The following NRG3 variants were observed in gnomAD, a reference collection of about 807,000 sequenced individuals.
The protein encoded by NRG3 is pro-neuregulin-3, membrane-bound isoform.
NRG3 carries 31 observed loss-of-function variants against 66.9 expected under a neutral mutation model. The observed-to-expected ratio is 0.46, with a 90% CI of 0.35 to 0.63. The LOEUF (loss-of-function observed/expected upper bound fraction) is 0.63, where lower values mean the gene tolerates loss of function less well. NRG3 is among the 20% of genes least tolerant of loss of function. NRG3 has a pLI of 0.00. For synonymous variants in NRG3, 393 were observed against 359.4 expected, an observed-to-expected ratio of 1.09 and a Z score of -1.06; for missense variants, 910 against 878.9, an observed-to-expected ratio of 1.04 and a Z score of -0.45.
Position 82,738,564 on chromosome 10 carries a change from C to G in NRG3, c.954-13C>G, listed in dbSNP as rs1431072717. On this transcript the variant is annotated splice_polypyrimidine_tract_variant and intron_variant, in intron 2 of 8. Transcript: ENST00000372141. ...CCACATGCGTATGTTTGTCATTTAT[C>G]CCCTTTTCTCAGGTGCAAAGAAGGC... is the stretch of plus-strand genomic sequence containing the variant. The G allele has an allele frequency of 6.2e-7, 1 of 1,611,288 alleles. No homozygotes were observed. Among genetic ancestry groups the G allele is most frequent in the African/African-American group, 1.3e-5 (1 of 74,868 alleles).
chr10:82,030,512 A>G (rs1368596642), intron 1 of NRG3, among the ~76,000 whole-genome samples: 2 of 152,094 alleles, frequency 1.3e-5, no homozygotes, highest in Non-Finnish European at 2.9e-5. Context: ...ATGGAAGTCT[A>G]ATAAGTGAAG....
intron 1 of NRG3, among the ~76,000 whole-genome samples, chr10:81,879,058 A>C (rs187842423): frequency 6.6e-6 from 1 of 152,238 alleles, no homozygotes; most frequent in East Asian, 1.9e-4. Context: ...ATTGAACTTT[A>C]AAGGCAGGAG....
intron 3 of NRG3, among the ~76,000 whole-genome samples, chr10:82,791,834 C>T: frequency 6.6e-6 from 1 of 152,148 alleles, no homozygotes; most frequent in East Asian, 1.9e-4. Flanking sequence ...GGCTTTCCTC[C>T]CTGAATGAGC....
intron 1 of NRG3, among the ~76,000 whole-genome samples, chr10:82,072,609 G>A (rs2064870746): frequency 6.6e-6 from 1 of 151,840 alleles, no homozygotes; most frequent in South Asian, 2.1e-4. Context: ...GAGTATGTTG[G>A]TATCTATACT....
chr10:82,486,952 T>C (rs557034346), intron 2 of NRG3, among the ~76,000 whole-genome samples: 1 of 152,052 alleles, frequency 6.6e-6, no homozygotes, highest in Admixed American at 6.6e-5. Context: ...GTTTCAGTCA[T>C]GTAAGTTGTA....
At chr10:82,673,796 C>T (rs930078550) in intron 2 of NRG3, among the ~76,000 whole-genome samples, 1 of 152,126 alleles carries the variant, frequency 6.6e-6, no homozygotes, top group African/African-American at 2.4e-5. Flanking sequence ...AGGTCTGGAG[C>T]TCAAAGGAGA....
chr10:82,271,742 A>G (rs567637939), intron 1 of NRG3, among the ~76,000 whole-genome samples: 47 of 152,222 alleles, frequency 3.1e-4, no homozygotes, highest in African/African-American at 1.1e-3. Context: ...ATTCAAATTT[A>G]AAAGAGAAAC....
intron 2 of NRG3, among the ~76,000 whole-genome samples, chr10:82,715,853 T>A (rs2056940901): frequency 6.6e-6 from 1 of 152,128 alleles, no homozygotes; most frequent in African/African-American, 2.4e-5. Context: ...TTGTACCTGT[T>A]GAGGGGCCTC....
chr10:82,332,870 A>T (rs994200694), intron 1 of NRG3, among the ~76,000 whole-genome samples: 15 of 152,202 alleles, frequency 9.9e-5, no homozygotes, highest in Non-Finnish European at 1.9e-4. Flanking sequence ...AATTAGAAGG[A>T]TATATAGGTC....
intron 3 of NRG3, among the ~76,000 whole-genome samples, chr10:82,750,191 A>G (rs1192076648): frequency 6.6e-6 from 1 of 152,170 alleles, no homozygotes; most frequent in Non-Finnish European, 1.5e-5. Flanking sequence ...TTAGGAGACA[A>G]CCAACACAGT....
chr10:82,521,666 A>G (rs1846203252), intron 2 of NRG3, among the ~76,000 whole-genome samples: 1 of 152,052 alleles, frequency 6.6e-6, no homozygotes, highest in African/African-American at 2.4e-5. Flanking sequence ...TAAGACAACA[A>G]TGAAGGTCGC....
chr10:82,713,868 T>C (rs1472486362), intron 2 of NRG3, among the ~76,000 whole-genome samples: 1 of 152,196 alleles, frequency 6.6e-6, no homozygotes, highest in Non-Finnish European at 1.5e-5. Flanking sequence ...ATTCTACCTC[T>C]TGATTCTTGC....
At chr10:82,758,539 A>G (rs543194179) in intron 3 of NRG3, among the ~76,000 whole-genome samples, 30 of 152,232 alleles carry the variant, frequency 2.0e-4, no homozygotes, top group Non-Finnish European at 3.8e-4. Context: ...ATAAGACTCA[A>G]TTTCCCCTGT....
chr10:82,575,722 A>G (rs1015930499), intron 2 of NRG3, among the ~76,000 whole-genome samples: 1 of 151,730 alleles, frequency 6.6e-6, no homozygotes, highest in Non-Finnish European at 1.5e-5. Context: ...AAGGGACAAT[A>G]TAGATTAATT....
chr10:82,289,551 A>G (rs2134568940), intron 1 of NRG3, among the ~76,000 whole-genome samples: 1 of 152,280 alleles, frequency 6.6e-6, no homozygotes, highest in South Asian at 2.1e-4. Flanking sequence ...TTGCATTCAC[A>G]TTTGTTTTCT....
In NRG3 at chr10:82,322,460, A is replaced by C. The variant is rs910800882; in HGVS notation, c.824-36279A>C. 3.3e-5 allele frequency among the ~76,000 whole-genome samples: 5 copies of C among 152,160 alleles called. No individual in the cohort carries two copies. The East Asian group carries it at 9.6e-4, about 29-fold the overall frequency. ...AGGATCAGGGAGATTTGAATACAAG[A>C]GTTATATTGTTTAGTTAGTTCTAGC... is the stretch of plus-strand genomic sequence containing the variant. On this transcript the variant is annotated intron_variant, in intron 1 of 8. Transcript: ENST00000372141.
At chr10:81,925,591 C>T (rs896435100) in intron 1 of NRG3, among the ~76,000 whole-genome samples, 8 of 152,062 alleles carry the variant, frequency 5.3e-5, no homozygotes, top group Non-Finnish European at 8.8e-5. Flanking sequence ...TAGGGAAATA[C>T]TTTCTTTTGT....
intron 2 of NRG3, among the ~76,000 whole-genome samples, chr10:82,616,643 G>C (rs2048670443): frequency 6.6e-6 from 1 of 152,060 alleles, no homozygotes; most frequent in South Asian, 2.1e-4. Flanking sequence ...TATGTTCTTT[G>C]TTTTTCTTAT....
intron 1 of NRG3, among the ~76,000 whole-genome samples, chr10:81,941,805 T>C (rs1457981346): frequency 2.0e-5 from 3 of 152,092 alleles, no homozygotes; most frequent in Non-Finnish European, 4.4e-5. Flanking sequence ...ACAGACATAC[T>C]GTGGGTCAAA....
Sources: gnomAD v4.1 joint callset for allele counts (sites outside exome capture counted in the v4.1 genomes callset) on GRCh38, gnomAD v4.1.1 for gene constraint, MANE v1.5 for transcripts, NCBI Gene and HGNC (gene_info 2026-07-23, HGNC 2026-07-21) for gene names.